TMEM132B: variants seen among roughly 807,000 people sequenced by gnomAD.
The protein encoded by TMEM132B is transmembrane protein 132B.
Under a neutral mutation model 90.8 loss-of-function variants are expected in TMEM132B, and 18 were observed. The observed-to-expected ratio is 0.20, with a 90% CI of 0.14 to 0.29. The LOEUF is 0.29. Among genes scored for constraint, TMEM132B ranks in the 10% least tolerant of loss-of-function variants. The pLI is 1.00. For synonymous variants in TMEM132B, 504 were observed against 523.3 expected (o/e 0.96, Z 0.50); for missense variants, 1,096 against 1,326.8 (o/e 0.83, Z 2.70).
At chr12:125,343,291 G>T (rs1269457051) in intron 1 of TMEM132B, among the ~76,000 whole-genome samples, 1 of 152,156 alleles carries the variant, frequency 6.6e-6, no homozygotes, top group Non-Finnish European at 1.5e-5. Context: ...CAGCTGGGTT[G>T]AGATGCTCTG....
At chr12:125,272,398 C>T (rs572128838) in intron 1 of TMEM132B, among the ~76,000 whole-genome samples, 7 of 152,254 alleles carry the variant, frequency 4.6e-5, no homozygotes, top group East Asian at 1.9e-4. Context: ...TGTCCCCCAG[C>T]GGGTGGGAAA....
intron 1 of TMEM132B, among the ~76,000 whole-genome samples, chr12:125,227,572 G>A (rs763114729): frequency 3.3e-5 from 5 of 152,160 alleles, no homozygotes; most frequent in Non-Finnish European, 5.9e-5. Context: ...GTCCAAGAGG[G>A]GTGGGGTTGC....
At chr12:125,583,752 C>T (rs934338782) in intron 4 of TMEM132B, 99 bp from the exon 5 acceptor site, 62 of 1,401,244 alleles carry the variant, frequency 4.4e-5, no homozygotes, top group Admixed American at 1.8e-4. Flanking sequence ...AATCGCAGAA[C>T]GAGAATGAAG....
chr12:125,519,635 C>G lies in TMEM132B; in HGVS notation c.1293+10C>G. 6.2e-7 allele frequency: 1 copy of G among 1,613,226 alleles called. No individual in the cohort carries two copies. The highest frequency in any genetic ancestry group is 1.3e-5 in the African/African-American group (1 of 75,016). ...CGTCCCTCTTGCCATGGTGAGGAAT[C>G]TGGGGGTTTCAGAGGAAGTGTCACA... On this transcript the variant is annotated intron_variant, in intron 4 of 8. Transcript: ENST00000682704.
intron 1 of TMEM132B, among the ~76,000 whole-genome samples, chr12:125,289,676 A>C (rs1031998452): frequency 6.6e-6 from 1 of 152,232 alleles, no homozygotes; most frequent in Non-Finnish European, 1.5e-5. Context: ...GAGCAGATGC[A>C]TAAGTAGATA....
At chr12:125,473,477 G>A (rs536561042) in intron 3 of TMEM132B, among the ~76,000 whole-genome samples, 30 of 152,350 alleles carry the variant, frequency 2.0e-4, no homozygotes, top group Admixed American at 4.6e-4. Context: ...CTTCCCAGCA[G>A]CTATCAAAGT....
At chr12:125,198,165 T>G (rs1872972869) in intron 1 of TMEM132B, among the ~76,000 whole-genome samples, 1 of 152,236 alleles carries the variant, frequency 6.6e-6, no homozygotes, top group Non-Finnish European at 1.5e-5. Flanking sequence ...TATGATATTT[T>G]AAGTTTCCAA....
chr12:125,557,522 A>G (rs761241066), intron 4 of TMEM132B, among the ~76,000 whole-genome samples: 1 of 152,188 alleles, frequency 6.6e-6, no homozygotes, highest in Non-Finnish European at 1.5e-5. Flanking sequence ...TCTATCTATT[A>G]TCACTAATCT....
intron 5 of TMEM132B, among the ~76,000 whole-genome samples, chr12:125,613,371 A>G (rs1401344313): frequency 6.6e-6 from 1 of 150,516 alleles, no homozygotes; most frequent in African/African-American, 2.4e-5. Flanking sequence ...TCCTGTAGAC[A>G]ACATAGTTGG....
chr12:125,637,760 A>G (rs1293502327), intron 5 of TMEM132B, among the ~76,000 whole-genome samples: 1 of 152,218 alleles, frequency 6.6e-6, no homozygotes, highest in Admixed American at 6.5e-5. Context: ...AGACATAAAG[A>G]GTGCATGTTG....
chr12:125,220,859 T>C (rs1302409435), intron 1 of TMEM132B, among the ~76,000 whole-genome samples: 1 of 152,240 alleles, frequency 6.6e-6, no homozygotes, highest in Admixed American at 6.5e-5. Flanking sequence ...CCCACAGTCC[T>C]GAGCTTGGCC....
chr12:125,514,859 C>T (rs907530686), intron 3 of TMEM132B, among the ~76,000 whole-genome samples: 7 of 152,146 alleles, frequency 4.6e-5, no homozygotes, highest in Non-Finnish European at 1.0e-4. Flanking sequence ...CCCTGTCCCT[C>T]TCTGCTGCCC....
chr12:125,399,962 C>T (rs1005908833), intron 2 of TMEM132B, among the ~76,000 whole-genome samples: 1 of 152,200 alleles, frequency 6.6e-6, no homozygotes, highest in East Asian at 1.9e-4. Context: ...CATGAACCTA[C>T]TGCTGTTTTC....
At chr12:125,314,023 C>T (rs192389960) in intron 1 of TMEM132B, among the ~76,000 whole-genome samples, 1 of 152,118 alleles carries the variant, frequency 6.6e-6, no homozygotes, top group East Asian at 2.0e-4. Flanking sequence ...AAATCATCAT[C>T]CCCAGGATCA....
chr12:125,397,379 C>T (rs1045361952), intron 2 of TMEM132B, among the ~76,000 whole-genome samples: 3 of 152,180 alleles, frequency 2.0e-5, no homozygotes, highest in African/African-American at 7.2e-5. Context: ...TGGAATGCCT[C>T]CCAGACATAT....
At chr12:125,634,039 T>A (rs1454423189) in intron 5 of TMEM132B, among the ~76,000 whole-genome samples, 1 of 152,168 alleles carries the variant, frequency 6.6e-6, no homozygotes, top group Admixed American at 6.5e-5. Flanking sequence ...AGGATCTGGG[T>A]AGGTCCAGAG....
intron 3 of TMEM132B, among the ~76,000 whole-genome samples, chr12:125,501,983 C>T (rs963039903): frequency 1.3e-5 from 2 of 152,148 alleles, no homozygotes; most frequent in Admixed American, 6.5e-5. Context: ...TGTATGTGCA[C>T]GTGTGTGTGT....
At chr12:125,421,675 A>G (rs907862530) in intron 3 of TMEM132B, among the ~76,000 whole-genome samples, 2 of 152,250 alleles carry the variant, frequency 1.3e-5, no homozygotes, top group Non-Finnish European at 2.9e-5. Context: ...ACTGTAGTCT[A>G]GAAAAATATT....
At chr12:125,548,977 G>C (rs1884156162) in intron 4 of TMEM132B, among the ~76,000 whole-genome samples, 1 of 151,392 alleles carries the variant, frequency 6.6e-6, no homozygotes, top group South Asian at 2.1e-4. Flanking sequence ...GGGAGATCTG[G>C]GTTGCATCAT....
Sources: allele counts gnomAD v4.1 joint callset (sites outside exome capture counted in the v4.1 genomes callset), GRCh38; gene constraint gnomAD v4.1.1; transcripts MANE v1.5; gene names NCBI Gene and HGNC (gene_info 2026-07-23, HGNC 2026-07-21).